Variants in ARHGAP12 observed in about 807,000 individuals in gnomAD.
ARHGAP12 encodes the protein Rho GTPase activating protein 12.
A neutral mutation model predicts 108.6 loss-of-function variants in ARHGAP12; 64 were observed. The ratio of observed to expected loss-of-function variants is 0.59; its 90% CI spans 0.48 to 0.73. ARHGAP12 has a LOEUF of 0.73. ARHGAP12 is among the 30% of genes least tolerant of loss of function. The probability of loss-of-function intolerance (pLI) is 0.00; values close to 1 mark genes in which losing one functional copy is unlikely to be tolerated. For missense variants in ARHGAP12, 940 were observed against 1,005.9 expected (o/e 0.93, Z 0.89); for synonymous variants, 312 against 337.2 (o/e 0.93, Z 0.82).
intron 11 of ARHGAP12, among the ~76,000 whole-genome samples, chr10:31,825,665 T>G (rs1246021205): frequency 6.6e-6 from 1 of 152,158 alleles, no homozygotes; most frequent in Non-Finnish European, 1.5e-5. Context: ...ATATACACAA[T>G]CCTCTGCACT....
chr10:31,867,655 T>C (rs1488435055), intron 3 of ARHGAP12, among the ~76,000 whole-genome samples: 1 of 152,178 alleles, frequency 6.6e-6, no homozygotes, highest in Non-Finnish European at 1.5e-5. Context: ...AGAACCTTTT[T>C]GGAAAAGTTT....
intron 6 of ARHGAP12, 54 bp downstream of exon 6, chr10:31,852,463 G>C (rs973968135): frequency 3.9e-5 from 50 of 1,290,436 alleles, no homozygotes; most frequent in Non-Finnish European, 5.2e-5. Context: ...ACCATCTCCA[G>C]ATATTACTTC....
intron 6 of ARHGAP12, 49 bp from the exon 7 acceptor site, chr10:31,843,635 GA>G (rs757375459): frequency 6.6e-7 from 1 of 1,510,636 alleles, no homozygotes; most frequent in African/African-American, 1.4e-5. Context: ...ATAAACAATA[GA>G]AATGAAAGTG....
chr10:31,831,633 T>G, intron 10 of ARHGAP12, 106 bp downstream of exon 10: 18 of 651,094 alleles, frequency 2.8e-5, no homozygotes, highest in Non-Finnish European at 4.1e-5. Context: ...AAACAAATGG[T>G]GAGAGATTCT....
At chr10:31,825,707 C>CA (rs1835579315) in intron 11 of ARHGAP12, among the ~76,000 whole-genome samples, 2 of 152,168 alleles carry the variant, frequency 1.3e-5, no homozygotes, top group Admixed American at 1.3e-4. Context: ...AATGAGCATT[C>CA]AAAAAATGTA....
chr10:31,850,267 A>T (rs749554875), intron 6 of ARHGAP12, among the ~76,000 whole-genome samples: 4 of 152,154 alleles, frequency 2.6e-5, no homozygotes, highest in Non-Finnish European at 5.9e-5. Context: ...TATAACCTAA[A>T]TCGTTTTCAG....
In ARHGAP12 at chr10:31,889,690, G is replaced by A. The variant is rs76783771; in HGVS notation, c.684+18482C>T. On this transcript the variant is annotated intron_variant, in intron 3 of 19. Coordinates refer to ENST00000344936, the MANE Select transcript of ARHGAP12 (RefSeq NM_018287.7). ...CATGCATGCTGGAGTGCAGTGGCAT[G>A]ATCTCAACTCACTGCAACCTTTGCC... Among the ~76,000 whole-genome samples the A allele has an allele frequency of 2.0e-3, 248 of 124,158 alleles. 2 individuals are homozygous for A. The highest frequency in any genetic ancestry group is 7.6e-3 in the African/African-American group (243 of 32,128). 81.5% of individuals were successfully genotyped at this position (124,158 alleles called of 152,430 possible).
chr10:31,831,939 T>C (rs41289017), intron 9 of ARHGAP12, 139 bp from the exon 10 acceptor site: 34,007 of 452,408 alleles, frequency 0.075, 1,510 homozygotes, highest in Middle Eastern at 0.1. Context: ...ACATGCGTAG[T>C]TCTAGAATAC....
chr10:31,809,316 C>T lies in ARHGAP12; in HGVS notation c.2051-9G>A. The T allele has an allele frequency of 6.2e-7, 1 of 1,612,334 alleles. No individual in the cohort carries two copies. Among genetic ancestry groups the T allele is most frequent in the Non-Finnish European group, 8.5e-7 (1 of 1,178,458 alleles). ...CCCATCAATATCCAAACCTAAGAGACAATAATAATTTGTGTGTGTGTGTGT... is the reference window on the plus strand; with the variant it reads ...CCCATCAATATCCAAACCTAAGAGATAATAATAATTTGTGTGTGTGTGTGT... On this transcript the variant is annotated splice_polypyrimidine_tract_variant and intron_variant, in intron 16 of 19. Transcript: ENST00000344936.
intron 3 of ARHGAP12, among the ~76,000 whole-genome samples, chr10:31,880,621 T>C (rs1037979087): frequency 2.6e-5 from 4 of 152,190 alleles, no homozygotes; most frequent in African/African-American, 4.8e-5. Context: ...CTTCATGTAA[T>C]ATAACTAAAT....
intron 3 of ARHGAP12, among the ~76,000 whole-genome samples, chr10:31,900,547 G>C (rs979421999): frequency 2.0e-5 from 3 of 152,282 alleles, no homozygotes; most frequent in Admixed American, 6.5e-5. Flanking sequence ...GCCATGAGAA[G>C]GCATGGATGA....
chr10:31,818,003 G>T lies in ARHGAP12; in HGVS notation c.1633-117C>A. ...ACCAAGAGTAGCTGCCATATATTAT[G>T]TAACAATGATGCAAGGTTAAAGGAC... is the stretch of plus-strand genomic sequence containing the variant. On this transcript the variant is annotated intron_variant, in intron 12 of 19. Coordinates refer to ENST00000344936, the MANE Select transcript of ARHGAP12 (RefSeq NM_018287.7). The T allele has an allele frequency of 2.8e-6, 2 of 705,874 alleles. 1 individual carries two copies. Among genetic ancestry groups the T allele is most frequent in the South Asian group, 3.4e-5 (2 of 59,498 alleles). 43.7% of individuals were successfully genotyped at this position (705,874 alleles called of 1,614,324 possible).
intron 3 of ARHGAP12, among the ~76,000 whole-genome samples, chr10:31,897,438 C>T (rs1029415055): frequency 7.9e-5 from 12 of 152,098 alleles, no homozygotes; most frequent in African/African-American, 2.9e-4. Flanking sequence ...TCCAACAGGC[C>T]TCCAGTACAT....
At chr10:31,927,171 C>T (rs1840082816) in intron 1 of ARHGAP12, among the ~76,000 whole-genome samples, 1 of 151,448 alleles carries the variant, frequency 6.6e-6, no homozygotes, top group Admixed American at 6.6e-5. Flanking sequence ...GGGTGGGGGT[C>T]ACGCTTTCAC....
At chr10:31,808,557 A>G in intron 19 of ARHGAP12, 92 bp downstream of exon 19, 1 of 1,079,062 alleles carries the variant, frequency 9.3e-7, no homozygotes, top group South Asian at 1.4e-5. Context: ...CATAGCTGGG[A>G]TCCAAATCTG....
intron 9 of ARHGAP12, among the ~76,000 whole-genome samples, chr10:31,835,063 G>A (rs1364395399): frequency 2.6e-5 from 4 of 152,092 alleles, no homozygotes; most frequent in African/African-American, 4.8e-5. Context: ...GCTGGGCATG[G>A]TGGCAGATGC....
At chr10:31,891,380 A>C (rs533725620) in intron 3 of ARHGAP12, among the ~76,000 whole-genome samples, 3 of 152,216 alleles carry the variant, frequency 2.0e-5, no homozygotes, top group East Asian at 1.9e-4. Context: ...GTTGAAAATT[A>C]TTTTCTTTAA....
intron 3 of ARHGAP12, among the ~76,000 whole-genome samples, chr10:31,869,959 AG>A (rs1837477134): frequency 6.6e-6 from 1 of 152,198 alleles, no homozygotes. Context: ...CATGCTACTT[AG>A]TATTAATACC....
At chr10:31,919,896 A>G (rs1192665512) in intron 1 of ARHGAP12, among the ~76,000 whole-genome samples, 1 of 152,062 alleles carries the variant, frequency 6.6e-6, no homozygotes, top group Non-Finnish European at 1.5e-5. Flanking sequence ...AGGTGGGTGG[A>G]TCACGAGGTA....
Sources: allele counts gnomAD v4.1 joint callset (sites outside exome capture counted in the v4.1 genomes callset), GRCh38; gene constraint gnomAD v4.1.1; transcripts MANE v1.5; gene names NCBI Gene and HGNC (gene_info 2026-07-23, HGNC 2026-07-21).